RBM20: variants seen among roughly 807,000 people sequenced by gnomAD.
The protein encoded by RBM20 is RNA-binding protein 20.
In RBM20, 51 loss-of-function variants were observed where a neutral mutation model predicts 110.1. The observed-to-expected ratio is 0.46, with a 90% CI of 0.37 to 0.59. The LOEUF (loss-of-function observed/expected upper bound fraction) is 0.59. Among genes scored for constraint, RBM20 ranks in the 20% least tolerant of loss-of-function variants. RBM20 has a pLI of 0.00. For missense variants in RBM20, 1,512 were observed against 1,574.9 expected, an observed-to-expected ratio of 0.96 and a Z score of 0.68; for synonymous variants, 589 against 618.2, an observed-to-expected ratio of 0.95 and a Z score of 0.70.
chr10:110,705,155 T>C (rs543727902), intron 1 of RBM20, among the ~76,000 whole-genome samples: 2 of 152,340 alleles, frequency 1.3e-5, no homozygotes, highest in African/African-American at 4.8e-5. Flanking sequence ...TTTCTGTGGA[T>C]TGGGTCATTT....
intron 1 of RBM20, among the ~76,000 whole-genome samples, chr10:110,751,953 C>A (rs1313636551): frequency 4.6e-5 from 7 of 151,926 alleles, no homozygotes; most frequent in African/African-American, 1.7e-4. Flanking sequence ...CCGATATACC[C>A]CCGCCTCCAC....
At chr10:110,677,678 A>G (rs575152491) in intron 1 of RBM20, among the ~76,000 whole-genome samples, 1 of 152,356 alleles carries the variant, frequency 6.6e-6, no homozygotes, top group African/African-American at 2.4e-5. Context: ...TTTGGTGCTA[A>G]ATGGTATTTT....
chr10:110,784,477 T>C (rs1370388194), intron 4 of RBM20, 45 bp downstream of exon 4: 1 of 1,356,410 alleles, frequency 7.4e-7, no homozygotes, highest in Admixed American at 2.0e-5. Context: ...AGAAGTGGGC[T>C]ACCCACAGGC....
At chr10:110,794,106 G>A (rs1021573771) in intron 5 of RBM20, among the ~76,000 whole-genome samples, 4 of 152,108 alleles carry the variant, frequency 2.6e-5, no homozygotes, top group South Asian at 4.2e-4. Flanking sequence ...TTCCTCCTTC[G>A]CTCCCTCCCT....
chr10:110,734,171 A>G (rs943041111), intron 1 of RBM20, among the ~76,000 whole-genome samples: 3 of 152,176 alleles, frequency 2.0e-5, no homozygotes, highest in African/African-American at 7.2e-5. Context: ...TCTTGATTAA[A>G]TCTGGTTTTT....
chr10:110,787,854 G>A (rs12767615), intron 5 of RBM20, among the ~76,000 whole-genome samples: 7,042 of 152,006 alleles, frequency 0.046, 219 homozygotes, highest in African/African-American at 0.08. Context: ...TTGGGAGCTA[G>A]GAGGGGACAG....
chr10:110,742,308 T>C (rs1278144009), intron 1 of RBM20, among the ~76,000 whole-genome samples: 1 of 152,216 alleles, frequency 6.6e-6, no homozygotes, highest in Non-Finnish European at 1.5e-5. Flanking sequence ...TTCAGTAGCT[T>C]CCTGAGCCAT....
chr10:110,765,767 AT>A (rs952540891), intron 1 of RBM20, among the ~76,000 whole-genome samples: 61 of 150,550 alleles, frequency 4.1e-4, no homozygotes, highest in African/African-American at 8.0e-4. Context: ...TATCACGGAG[AT>A]TTTTTTTTTA....
Position 110,799,879 on chromosome 10 carries a change from C to T in RBM20, c.1761C>T (p.Leu587=), listed in dbSNP as rs727504820. 2.6e-6 allele frequency: 4 copies of T among 1,551,972 alleles called. No homozygotes were observed. The highest frequency in any genetic ancestry group is 2.6e-6 in the Non-Finnish European group (3 of 1,147,030). The change falls in exon 7 of 14, where the codon CTC becomes CTT. Residue 587 remains leucine (L), a synonymous_variant. Transcript: ENST00000369519. ...CTGTGATCAATGGTGAGAAGTTGCT[C>T]ATTCGGATGTCCAAGAGATACAAGG... ...KSAVINGEKL[L]IRMSKRYKEL...
At chr10:110,762,313 C>T (rs973703716) in intron 1 of RBM20, among the ~76,000 whole-genome samples, 24 of 152,334 alleles carry the variant, frequency 1.6e-4, no homozygotes, top group Non-Finnish European at 2.4e-4. Flanking sequence ...GTTCCCCACT[C>T]CTTCCTTGCC....
At chr10:110,800,994 C>A in intron 7 of RBM20, among the ~76,000 whole-genome samples, 1 of 152,176 alleles carries the variant, frequency 6.6e-6, no homozygotes, top group East Asian at 1.9e-4. Flanking sequence ...TATATATGCA[C>A]TTGAGCATAT....
At chr10:110,707,676 A>C (rs1460847802) in intron 1 of RBM20, among the ~76,000 whole-genome samples, 3 of 152,344 alleles carry the variant, frequency 2.0e-5, no homozygotes, top group Non-Finnish European at 4.4e-5. Context: ...CAAATTTTGC[A>C]TGTTTTCACT....
At chr10:110,794,235 T>A (rs182566029) in intron 5 of RBM20, among the ~76,000 whole-genome samples, 2 of 152,342 alleles carry the variant, frequency 1.3e-5, no homozygotes, top group Non-Finnish European at 2.9e-5. Context: ...CTTGTATGAA[T>A]CATATATGGT....
At chr10:110,816,125 C>T (rs1844834460) in intron 9 of RBM20, among the ~76,000 whole-genome samples, 1 of 152,232 alleles carries the variant, frequency 6.6e-6, no homozygotes, top group South Asian at 2.1e-4. Flanking sequence ...CTGCCCTCAG[C>T]GCCTTTACAG....
Position 110,807,179 on chromosome 10 carries a change from C to G in RBM20, c.1801-3204C>G, listed in dbSNP as rs181061908. On this transcript the variant is annotated intron_variant, in intron 7 of 13. Coordinates refer to ENST00000369519, the MANE Select transcript of RBM20 (RefSeq NM_001134363.3). ...GCATCTTGGGATTAGTGTTAGGGAG[C>G]ACCTGCTCCATGCCAGGCTCTGTGC... Among the ~76,000 whole-genome samples the G allele has an allele frequency of 7.0e-3, 1,060 of 152,290 alleles. 43 individuals are homozygous for G. Among genetic ancestry groups the G allele is most frequent in the Admixed American group, 0.064 (983 of 15,296 alleles).
In RBM20 at chr10:110,812,630, C is replaced by G; in HGVS notation, c.2233C>G (p.Leu745Val). 3.2e-6 allele frequency: 5 copies of G among 1,551,680 alleles called. No homozygotes were observed. The highest frequency in any genetic ancestry group is 4.4e-6 in the Non-Finnish European group (5 of 1,147,002). The change falls in exon 9 of 14, where the codon CTG becomes GTG. Residue 745 changes from leucine (L) to valine (V), a missense_variant. Physicochemically the swap from Leu to Val is conservative, Grantham distance 32. Transcript: ENST00000369519. ...EKYPRSGSPN[L>V]PHSVSSYKSR... ...GTACCCGAGATCTGGGTCTCCCAAC[C>G]TGCCCCACTCTGTGTCCAGCTACAA...
chr10:110,765,350 A>G (rs1017757650), intron 1 of RBM20, among the ~76,000 whole-genome samples: 1 of 151,962 alleles, frequency 6.6e-6, no homozygotes, highest in Non-Finnish European at 1.5e-5. Context: ...CTCATTCTGG[A>G]CCAGGAGGGG....
At chr10:110,748,294 C>A (rs758179598) in intron 1 of RBM20, among the ~76,000 whole-genome samples, 1 of 152,122 alleles carries the variant, frequency 6.6e-6, no homozygotes, top group African/African-American at 2.4e-5. Flanking sequence ...TATAAATAAG[C>A]ATTTGGTATG....
Position 110,812,698 on chromosome 10 carries a change from G to T in RBM20, c.2301G>T (p.Lys767Asn), listed in dbSNP as rs762442998. The T allele has an allele frequency of 6.4e-7, 1 of 1,551,750 alleles. No homozygotes were observed. The highest frequency in any genetic ancestry group is 1.2e-5 in the South Asian group (1 of 84,064). ...ACTACCGGAAAGAGCCCAAAGCCAA[G>T]TCGGACAAGTATCTGAAGCAGCAGC... ...DGYYRKEPKA[K>N]SDKYLKQQQD... The change falls in exon 9 of 14, where the codon AAG becomes AAT. Residue 767 changes from lysine (K) to asparagine (N), a missense_variant. Lys to Asn is a moderately conservative substitution (Grantham distance 94). Around this residue, in one of 3 missense-constraint regions of RBM20, gnomAD observed 1,149 missense variants for 1,169.4 expected, o/e 0.98. Transcript: ENST00000369519.
Sources: gnomAD v4.1 joint callset for allele counts (sites outside exome capture counted in the v4.1 genomes callset) on GRCh38, gnomAD v4.1.1 for gene constraint, gnomAD v4.1.1 regional missense constraint, MANE v1.5 for transcripts, NCBI Gene and HGNC (gene_info 2026-07-23, HGNC 2026-07-21) for gene names.